The following APAF1 variants were observed in gnomAD, a reference collection of about 807,000 sequenced individuals.
APAF1 encodes the protein apoptotic peptidase activating factor 1.
A neutral mutation model predicts 152.4 loss-of-function variants in APAF1; 91 were observed. The ratio of observed to expected loss-of-function variants is 0.60; its 90% CI spans 0.50 to 0.71. APAF1 has a LOEUF of 0.71. Among genes scored for constraint, APAF1 ranks in the 30% least tolerant of loss-of-function variants. APAF1 has a pLI of 0.00. For synonymous variants in APAF1, 484 were observed against 494.1 expected, an observed-to-expected ratio of 0.98 and a Z score of 0.27; for missense variants, 1,283 against 1,472.0, an observed-to-expected ratio of 0.87 and a Z score of 2.10.
chr12:98,713,182 A>G (rs756301921), intron 21 of APAF1, among the ~76,000 whole-genome samples: 1 of 152,226 alleles, frequency 6.6e-6, no homozygotes, highest in Non-Finnish European at 1.5e-5. Flanking sequence ...CGTTAAACTA[A>G]CAATCATCTT....
chr12:98,683,368 T>C, intron 15 of APAF1, 94 bp downstream of exon 15: 1 of 1,248,424 alleles, frequency 8.0e-7, no homozygotes. Context: ...ATTAGGACTT[T>C]CTGGTCACAA....
intron 4 of APAF1, among the ~76,000 whole-genome samples, chr12:98,655,767 G>A (rs2097656552): frequency 6.6e-6 from 1 of 150,506 alleles, no homozygotes; most frequent in Non-Finnish European, 1.5e-5. Flanking sequence ...CGCACAGCAC[G>A]TTGCCTGGCC....
chr12:98,712,360 A>G lies in APAF1; in HGVS notation c.2883A>G (p.Glu961=). 2 of 1,613,590 alleles carry G rather than the reference A, an allele frequency of 1.2e-6. No homozygotes were observed. The highest frequency in any genetic ancestry group is 2.2e-5 in the East Asian group (1 of 44,868). ...CAGGTCAGATTGATTATCTGACTGA[A>G]GCTCAAGTTAGCTGCTGTTGCTTAA... The part of the protein sequence containing the change: ...GRTGQIDYLT[E]AQVSCCCLSP... The change falls in exon 21 of 27, where the codon GAA becomes GAG. Residue 961 remains glutamate, a synonymous_variant. Coordinates refer to ENST00000551964, the MANE Select transcript of APAF1 (RefSeq NM_181861.2).
At chr12:98,699,231 AC>A (rs1421265388) in intron 16 of APAF1, among the ~76,000 whole-genome samples, 176 bp from the exon 17 acceptor site, 2 of 152,218 alleles carry the variant, frequency 1.3e-5, no homozygotes, top group African/African-American at 4.8e-5. Context: ...CTTTTTAAGA[AC>A]GTAATAATGA....
At chr12:98,658,996 A>G (rs974906888) in intron 4 of APAF1, among the ~76,000 whole-genome samples, 164 bp from the exon 5 acceptor site, 1 of 152,236 alleles carries the variant, frequency 6.6e-6, no homozygotes, top group African/African-American at 2.4e-5. Flanking sequence ...TTCAGGATAT[A>G]AAGCCTACCA....
chr12:98,666,321 A>C lies in APAF1; in HGVS notation c.1326A>C (p.Val442=). The change falls in exon 9 of 27, where the codon GTA becomes GTC. Residue 442 remains valine (V), a synonymous_variant. Transcript: ENST00000551964. Reference sequence around the variant, plus strand: ...GTTATTATTTACATGATCTTCAAGTAGATTTTCTTACAGAGAAGAATTGCA... The same window carrying C: ...GTTATTATTTACATGATCTTCAAGTCGATTTTCTTACAGAGAAGAATTGCA... The part of the protein sequence containing the change: ...SFRYYLHDLQ[V]DFLTEKNCSQ... 6.2e-7 allele frequency: 1 copy of C among 1,613,550 alleles called. No individual in the cohort carries two copies. The highest frequency in any genetic ancestry group is 8.5e-7 in the Non-Finnish European group (1 of 1,179,878).
intron 26 of APAF1, among the ~76,000 whole-genome samples, chr12:98,730,398 C>T (rs1182146148): frequency 6.6e-6 from 1 of 152,176 alleles, no homozygotes; most frequent in African/African-American, 2.4e-5. Context: ...TTCTAGAGAC[C>T]ACATCATTTG....
rs1322402178 is a variant in APAF1 at position 98,725,530 on chromosome 12, G to A, written c.3446G>A (p.Gly1149Glu). The A allele has an allele frequency of 1.2e-6, 2 of 1,614,034 alleles. No individual in the cohort carries two copies. The highest frequency in any genetic ancestry group is 1.3e-5 in the African/African-American group (1 of 74,912). The change falls in exon 25 of 27, where the codon GGA (glycine) becomes GAA (glutamate). Residue 1149 changes from glycine to glutamate, a missense_variant. Coordinates refer to ENST00000551964, the MANE Select transcript of APAF1 (RefSeq NM_181861.2). ...CTGCTGGCAACGGGAGATGACAATG[G>A]AGAAATCAGGGTAGGCTGTTTGCTG... ...STLLATGDDNGEIRIWNVSNG... is the reference protein window; with the variant it reads ...STLLATGDDNEEIRIWNVSNG...
rs779756742 is a variant in APAF1, at chr12:98,649,491, G to A, written c.333G>A (p.Arg111=). The A allele has an allele frequency of 1.2e-6, 2 of 1,614,000 alleles. No homozygotes were observed. The highest frequency in any genetic ancestry group is 1.3e-5 in the African/African-American group (1 of 74,926). ...TTGTTTTGTTTTGGATTTTAGTAAG[G>A]ACAGTCCTGTGTGAAGGTGGAGTAC... ...DSVSGITSYV[R]TVLCEGGVPQ... is the part of the protein sequence containing the mutation. The change falls in exon 4 of 27, where the codon AGG becomes AGA. Residue 111 remains arginine, a synonymous_variant. Coordinates refer to ENST00000551964, the MANE Select transcript of APAF1 (RefSeq NM_181861.2).
intron 16 of APAF1, among the ~76,000 whole-genome samples, chr12:98,698,765 G>A (rs750207615): frequency 6.6e-6 from 1 of 152,214 alleles, no homozygotes; most frequent in Non-Finnish European, 1.5e-5. Flanking sequence ...TCATGGCCCA[G>A]AGGAGTGAAG....
chr12:98,694,519 CT>C (rs777419896), intron 16 of APAF1, among the ~76,000 whole-genome samples: 7 of 151,448 alleles, frequency 4.6e-5, no homozygotes, highest in Non-Finnish European at 8.8e-5. Context: ...TTTAGCTTTA[CT>C]TTTCTTTCCT....
intron 19 of APAF1, among the ~76,000 whole-genome samples, chr12:98,708,103 TGCCCA>T (rs746894632): frequency 5.3e-5 from 8 of 152,290 alleles, no homozygotes; most frequent in Non-Finnish European, 1.2e-4. Flanking sequence ...CACACCACCA[TGCCCA>T]GCCAAGTTTT....
intron 13 of APAF1, 65 bp downstream of exon 13, chr12:98,677,616 T>C (rs1022863134): frequency 4.3e-5 from 69 of 1,599,602 alleles, no homozygotes; most frequent in Non-Finnish European, 5.5e-5. Flanking sequence ...GATCAGAATA[T>C]GTTTAAATCC....
At chr12:98,667,772 T>C in intron 10 of APAF1, 128 bp downstream of exon 10, 1 of 833,880 alleles carries the variant, frequency 1.2e-6, no homozygotes, top group Non-Finnish European at 1.8e-6. Context: ...TTGATTTTTT[T>C]TTTTTTTTTT....
At chr12:98,687,379 T>C (rs1314755158) in intron 16 of APAF1, among the ~76,000 whole-genome samples, 1 of 150,446 alleles carries the variant, frequency 6.6e-6, no homozygotes, top group East Asian at 2.0e-4. Context: ...AAAAAAAAAG[T>C]TCTGTAATGT....
At position 98,706,481 on chromosome 12, in the gene APAF1, G is replaced by A; in HGVS notation, c.2596-4G>A. On this transcript the variant is annotated splice_region_variant and splice_polypyrimidine_tract_variant and intron_variant, in intron 18 of 26. Transcript: ENST00000551964. ...ATTTCCTATATGCTGTGTTTATTCT[G>A]TAGTTGTGGAATACAGACTCACGTT... The A allele has an allele frequency of 6.2e-7, 1 of 1,613,918 alleles. No individual in the cohort carries two copies. Among genetic ancestry groups the A allele is most frequent in the Non-Finnish European group, 8.5e-7 (1 of 1,179,886 alleles).
At chr12:98,684,378 T>A (rs1271422052) in intron 15 of APAF1, among the ~76,000 whole-genome samples, 1 of 150,306 alleles carries the variant, frequency 6.7e-6, no homozygotes. Flanking sequence ...TTCCTCCCCC[T>A]TTCCCTCTCC....
chr12:98,675,239 T>A (rs2097685240), intron 12 of APAF1, among the ~76,000 whole-genome samples: 1 of 152,218 alleles, frequency 6.6e-6, no homozygotes, highest in African/African-American at 2.4e-5. Flanking sequence ...TTCAATGAAA[T>A]TATTTATTCA....
intron 1 of APAF1, among the ~76,000 whole-genome samples, chr12:98,647,266 A>G (rs1019801263): frequency 6.6e-6 from 1 of 151,922 alleles, no homozygotes; most frequent in Non-Finnish European, 1.5e-5. Flanking sequence ...AAAAAAAAAA[A>G]AAATAAGACA....
Sources: gnomAD v4.1 joint callset for allele counts (sites outside exome capture counted in the v4.1 genomes callset) on GRCh38, gnomAD v4.1.1 for gene constraint, MANE v1.5 for transcripts, NCBI Gene and HGNC (gene_info 2026-07-23, HGNC 2026-07-21) for gene names.